The following SOX6 variants were observed in gnomAD, a reference collection of about 807,000 sequenced individuals.
The protein encoded by SOX6 is SRY-box transcription factor 6, also known as transcription factor SOX-6.
Under a neutral mutation model 97.8 loss-of-function variants are expected in SOX6, and 11 were observed. The observed-to-expected ratio is 0.11, with a 90% CI of 0.07 to 0.19. The LOEUF (loss-of-function observed/expected upper bound fraction) is 0.19, where lower values mean the gene tolerates loss of function less well. SOX6 is among the 10% of genes least tolerant of loss of function. The probability of loss-of-function intolerance (pLI) is 1.00; values close to 1 mark genes in which losing one functional copy is unlikely to be tolerated. For synonymous variants in SOX6, 360 were observed against 371.4 expected, an observed-to-expected ratio of 0.97 and a Z score of 0.35; for missense variants, 810 against 1,039.5, an observed-to-expected ratio of 0.78 and a Z score of 3.04.
intron 4 of SOX6, among the ~76,000 whole-genome samples, chr11:16,579,371 T>C (rs1359687411): frequency 2.0e-5 from 3 of 151,980 alleles, no homozygotes; most frequent in African/African-American, 7.2e-5. Context: ...TATTCTCCCA[T>C]ATAATCACCA....
rs1853267644 is a variant in SOX6 at position 15,970,458 on chromosome 11, G to C, written c.*2351C>G. On this transcript the variant is annotated 3_prime_UTR_variant, in exon 16 of 16. Transcript: ENST00000683767. ...AACAAAATAAGAAAGAAGTGAGAGA[G>C]AGCAAAAGCAAAAGCCAAAGAGAAA... 1 of 152,436 alleles carries C rather than the reference G, an allele frequency of 6.6e-6. No individual in the cohort carries two copies. The highest frequency in any genetic ancestry group is 1.9e-4 in the East Asian group (1 of 5,178). The allele number at this position is 152,436 out of a possible 1,614,324, so 9.4% of individuals were successfully genotyped here.
chr11:16,132,476 G>GAAA (rs755228255), intron 6 of SOX6, among the ~76,000 whole-genome samples: 5 of 146,120 alleles, frequency 3.4e-5, no homozygotes, highest in East Asian at 2.0e-4. Context: ...AAGAAAGAAA[G>GAAA]AAAGAAAGAA....
chr11:16,489,220 CA>C (rs1290843986), intron 4 of SOX6, among the ~76,000 whole-genome samples: 2 of 151,334 alleles, frequency 1.3e-5, no homozygotes, highest in Non-Finnish European at 3.0e-5. Flanking sequence ...ATAAATTAAG[CA>C]AAAAAAAGTA....
intron 3 of SOX6, chr11:16,269,919 C>A (rs1402814325): frequency 6.6e-6 from 1 of 151,198 alleles, no homozygotes; most frequent in Non-Finnish European, 1.5e-5. Flanking sequence ...ATTCATTTAT[C>A]TTGTATAATT....
In SOX6 at chr11:16,007,369, C is replaced by A. The variant is rs999648447; in HGVS notation, c.1732+7573G>T. On this transcript the variant is annotated intron_variant, in intron 13 of 15. Transcript: ENST00000683767. ...ATGGTATTGTACTCTTATAGGACCACCATCATATATGTGGGCCATCATTGA... is the reference window on the plus strand; with the variant it reads ...ATGGTATTGTACTCTTATAGGACCAACATCATATATGTGGGCCATCATTGA... 3.3e-5 allele frequency among the ~76,000 whole-genome samples: 5 copies of A among 152,014 alleles called. No homozygotes were observed. In the East Asian group the frequency reaches 7.7e-4, roughly 24 times the overall value.
intron 3 of SOX6, among the ~76,000 whole-genome samples, chr11:16,700,453 T>A (rs772936751): frequency 2.6e-4 from 40 of 152,130 alleles, no homozygotes; most frequent in Non-Finnish European, 3.8e-4. Flanking sequence ...AATAAAGGAA[T>A]GTACTGGTTA....
Position 16,029,496 on chromosome 11 carries a change from C to T in SOX6, c.1624-14446G>A, listed in dbSNP as rs557919689. On this transcript the variant is annotated intron_variant, in intron 12 of 15. Transcript: ENST00000683767. ...ACTACAAATACAAAAATTAGCCGGG[C>T]GTGGTAGCGGGCTCCTGTAATCCGA... Among the ~76,000 whole-genome samples, 7 of 152,110 alleles carry T rather than the reference C, an allele frequency of 4.6e-5. No homozygotes were observed. In the East Asian group the frequency reaches 9.7e-4, roughly 21 times the overall value.
chr11:16,596,558 A>G (rs1375552063), intron 4 of SOX6, among the ~76,000 whole-genome samples: 3 of 152,180 alleles, frequency 2.0e-5, no homozygotes, highest in Non-Finnish European at 2.9e-5. Flanking sequence ...TAAATCACAG[A>G]TCAAAGGCCA....
At chr11:16,575,415 C>A (rs552632265) in intron 4 of SOX6, among the ~76,000 whole-genome samples, 197 of 152,188 alleles carry the variant, frequency 1.3e-3, no homozygotes, top group Non-Finnish European at 1.6e-3. Context: ...GAAACTTGTA[C>A]ACATGGCCAC....
intron 4 of SOX6, among the ~76,000 whole-genome samples, chr11:16,548,160 G>C (rs1847642225): frequency 6.6e-6 from 1 of 152,102 alleles, no homozygotes; most frequent in Non-Finnish European, 1.5e-5. Flanking sequence ...TGCCAATTTA[G>C]AATCCGTTTA....
chr11:16,730,175 TAGAA>T (rs1848338796), intron 2 of SOX6, among the ~76,000 whole-genome samples: 1 of 151,924 alleles, frequency 6.6e-6, no homozygotes, highest in Non-Finnish European at 1.5e-5. Context: ...CTGTCAATAT[TAGAA>T]AGATCAACAA....
intron 3 of SOX6, chr11:16,317,226 AATTGACATTTATAAT>A (rs1370333821): frequency 6.6e-6 from 1 of 151,256 alleles, no homozygotes; most frequent in Non-Finnish European, 1.5e-5. Context: ...ACAGTAAAAT[AATTGACATTTATAAT>A]ATATCAGTTA....
At chr11:16,636,834 G>T (rs1848797373) in intron 3 of SOX6, among the ~76,000 whole-genome samples, 1 of 152,158 alleles carries the variant, frequency 6.6e-6, no homozygotes, top group East Asian at 1.9e-4. Flanking sequence ...CCTTGCTGCT[G>T]CCATGTGAAG....
At chr11:16,623,912 T>C (rs899169776) in intron 3 of SOX6, among the ~76,000 whole-genome samples, 2 of 152,182 alleles carry the variant, frequency 1.3e-5, no homozygotes, top group African/African-American at 2.4e-5. Context: ...TATACATCTA[T>C]ATAAACCCAA....
At chr11:16,562,525 A>G (rs139558753) in intron 4 of SOX6, among the ~76,000 whole-genome samples, 1 of 152,266 alleles carries the variant, frequency 6.6e-6, no homozygotes, top group Non-Finnish European at 1.5e-5. Flanking sequence ...TGGAGAAAAA[A>G]TACTATGGCT....
At chr11:16,211,896 T>C (rs1280469148) in intron 4 of SOX6, among the ~76,000 whole-genome samples, 1 of 152,218 alleles carries the variant, frequency 6.6e-6, no homozygotes, top group Non-Finnish European at 1.5e-5. Context: ...CCAGGTTTTT[T>C]ACCTGAACAC....
At chr11:16,134,810 A>G (rs567999571) in intron 6 of SOX6, among the ~76,000 whole-genome samples, 68 of 152,268 alleles carry the variant, frequency 4.5e-4, no homozygotes, top group African/African-American at 1.6e-3. Flanking sequence ...CCCTGAGACA[A>G]CAATATTGAA....
At chr11:16,710,206 T>A (rs528328237) in intron 3 of SOX6, among the ~76,000 whole-genome samples, 97 of 152,340 alleles carry the variant, frequency 6.4e-4, no homozygotes, top group Admixed American at 1.1e-3. Flanking sequence ...GAGATAGGTG[T>A]ACCCTATTCA....
chr11:16,140,638 G>A (rs150369367), intron 6 of SOX6, among the ~76,000 whole-genome samples: 1 of 152,218 alleles, frequency 6.6e-6, no homozygotes, highest in Non-Finnish European at 1.5e-5. Flanking sequence ...AACTTTAAAG[G>A]TAAGCACAAA....
Sources: gnomAD v4.1 joint callset for allele counts (sites outside exome capture counted in the v4.1 genomes callset) on GRCh38, gnomAD v4.1.1 for gene constraint, MANE v1.5 for transcripts, NCBI Gene and HGNC (gene_info 2026-07-23, HGNC 2026-07-21) for gene names.